Variants in DLG2 observed in about 807,000 individuals in gnomAD.
The protein encoded by DLG2 is discs large MAGUK scaffold protein 2.
In DLG2, 45 loss-of-function variants were observed where a neutral mutation model predicts 132.5. The observed-to-expected ratio is 0.34, with a 90% confidence interval of 0.27 to 0.44. The LOEUF (loss-of-function observed/expected upper bound fraction) is 0.44. DLG2 is among the 20% of genes least tolerant of loss of function. The probability of loss-of-function intolerance (pLI) is 1.00; values close to 1 mark genes in which losing one functional copy is unlikely to be tolerated. For missense variants in DLG2, 1,045 were observed against 1,196.9 expected (o/e 0.87, Z 1.87); for synonymous variants, 424 against 419.6 (o/e 1.01, Z -0.13).
At chr11:84,120,381 A>G (rs57510123) in intron 9 of DLG2, among the ~76,000 whole-genome samples, 90 of 152,330 alleles carry the variant, frequency 5.9e-4, no homozygotes, top group Middle Eastern at 3.4e-3. Flanking sequence ...CAGGGCAAAA[A>G]TTTTTAAAAG....
chr11:84,136,713 T>C (rs1437214411), intron 9 of DLG2, among the ~76,000 whole-genome samples: 1 of 152,118 alleles, frequency 6.6e-6, no homozygotes, highest in African/African-American at 2.4e-5. Flanking sequence ...AAGTTAATTG[T>C]GCTTATGGTC....
At chr11:85,529,041 C>A (rs1406471705) in intron 3 of DLG2, among the ~76,000 whole-genome samples, 2 of 152,198 alleles carry the variant, frequency 1.3e-5, no homozygotes, top group Non-Finnish European at 2.9e-5. Flanking sequence ...CATTATTAAT[C>A]TCACAAGCAT....
intron 3 of DLG2, among the ~76,000 whole-genome samples, chr11:85,506,961 C>T (rs941787898): frequency 6.6e-6 from 1 of 152,186 alleles, no homozygotes; most frequent in Admixed American, 6.5e-5. Flanking sequence ...GATCCCTTTA[C>T]CATTATGTAA....
chr11:84,031,269 G>A (rs1364242957), intron 11 of DLG2, among the ~76,000 whole-genome samples: 1 of 151,710 alleles, frequency 6.6e-6, no homozygotes, highest in Non-Finnish European at 1.5e-5. Context: ...GAAGCAAATA[G>A]GTTGAAAAAA....
chr11:84,106,368 C>T (rs2092915124), intron 9 of DLG2, among the ~76,000 whole-genome samples: 1 of 152,056 alleles, frequency 6.6e-6, no homozygotes, highest in Admixed American at 6.6e-5. Context: ...ATGAACAGCC[C>T]CAGGTCTATT....
chr11:83,711,510 G>A (rs1222482008), intron 18 of DLG2, among the ~76,000 whole-genome samples: 2 of 141,314 alleles, frequency 1.4e-5, no homozygotes, highest in African/African-American at 5.3e-5. Flanking sequence ...TGGGAACCCT[G>A]CAAGTTTGCT....
intron 6 of DLG2, among the ~76,000 whole-genome samples, chr11:84,551,518 G>T (rs1056911480): frequency 4.6e-5 from 7 of 152,164 alleles, no homozygotes; most frequent in Non-Finnish European, 1.0e-4. Context: ...TGCTTTACAA[G>T]CCTTAATTTA....
At chr11:84,944,906 TTA>T (rs2050005069) in intron 6 of DLG2, among the ~76,000 whole-genome samples, 1 of 152,184 alleles carries the variant, frequency 6.6e-6, no homozygotes, top group Non-Finnish European at 1.5e-5. Flanking sequence ...CCCGATCTTG[TTA>T]AGTTTATCTG....
At chr11:84,781,345 T>G (rs2071736156) in intron 6 of DLG2, among the ~76,000 whole-genome samples, 1 of 152,030 alleles carries the variant, frequency 6.6e-6, no homozygotes, top group Admixed American at 6.6e-5. Context: ...GTAGGTAAAC[T>G]GAGAAGTTAG....
chr11:85,291,269 A>C (rs967536152), intron 3 of DLG2, among the ~76,000 whole-genome samples: 4 of 152,182 alleles, frequency 2.6e-5, no homozygotes, highest in Admixed American at 1.3e-4. Flanking sequence ...GCAATTATCT[A>C]CTTAACCACA....
At chr11:84,793,453 T>C (rs944652793) in intron 6 of DLG2, among the ~76,000 whole-genome samples, 1 of 152,208 alleles carries the variant, frequency 6.6e-6, no homozygotes, top group African/African-American at 2.4e-5. Context: ...GATGTCTCTT[T>C]GTTGATTTTC....
In DLG2 at chr11:83,986,292, G is replaced by A. The variant is rs1477257544; in HGVS notation, c.920-5650C>T. ...TTCTCATTGTTCAATTCCCACCTAT[G>A]AGTGAGAATATGCGGCATTTGGTTT... is the stretch of plus-strand genomic sequence containing the variant. On this transcript the variant is annotated intron_variant, in intron 11 of 27. Coordinates refer to ENST00000376104, the MANE Select transcript of DLG2 (RefSeq NM_001142699.3). Among the ~76,000 whole-genome samples, 10 of 150,352 alleles carry A rather than the reference G, an allele frequency of 6.7e-5. No homozygotes were observed. In the East Asian group the frequency reaches 1.6e-3, roughly 24 times the overall value.
intron 6 of DLG2, among the ~76,000 whole-genome samples, chr11:84,865,205 G>A (rs950722292): frequency 3.3e-5 from 5 of 152,126 alleles, no homozygotes; most frequent in African/African-American, 7.2e-5. Context: ...TGCTGTATCC[G>A]TGGAACACAC....
intron 16 of DLG2, among the ~76,000 whole-genome samples, chr11:83,858,213 G>A (rs2037196): frequency 0.11 from 16,307 of 152,126 alleles, 1,004 homozygotes; most frequent in South Asian, 0.15. Flanking sequence ...GCTTGCTGCT[G>A]AAAATTACAT....
At chr11:85,130,807 C>G (rs1441666482) in intron 5 of DLG2, among the ~76,000 whole-genome samples, 2 of 152,182 alleles carry the variant, frequency 1.3e-5, no homozygotes, top group Non-Finnish European at 2.9e-5. Context: ...TGGGGAAAAA[C>G]AGTAAAGTAT....
At chr11:84,297,355 T>C (rs2098105015) in intron 7 of DLG2, among the ~76,000 whole-genome samples, 1 of 152,182 alleles carries the variant, frequency 6.6e-6, no homozygotes, top group Non-Finnish European at 1.5e-5. Flanking sequence ...TAAAATTTTC[T>C]GAAGATGTTT....
rs372011426 is a variant in DLG2, at chr11:84,999,909, C to T, written c.357+111752G>A. The stretch of plus-strand genomic sequence containing the variant: ...AAACAAAATGCCTTAAGAAACATGG[C>T]AGATCTGCATCCTATTCCAAAGAAA... On this transcript the variant is annotated intron_variant, in intron 6 of 27. Transcript: ENST00000376104. Among the ~76,000 whole-genome samples the T allele has an allele frequency of 5.9e-5, 9 of 152,210 alleles. No individual in the cohort carries two copies. In the East Asian group the frequency reaches 9.7e-4, roughly 16 times the overall value.
At chr11:84,185,425 T>A (rs926927989) in intron 8 of DLG2, among the ~76,000 whole-genome samples, 5 of 152,196 alleles carry the variant, frequency 3.3e-5, no homozygotes, top group African/African-American at 9.7e-5. Context: ...TGATTTTGTA[T>A]CCTGAGACTT....
intron 26 of DLG2, among the ~76,000 whole-genome samples, chr11:83,463,992 A>G (rs767716290): frequency 6.6e-6 from 1 of 152,248 alleles, no homozygotes; most frequent in Non-Finnish European, 1.5e-5. Flanking sequence ...AGCATGTGGC[A>G]TGGAGACTGA....
Sources: allele counts gnomAD v4.1 joint callset (sites outside exome capture counted in the v4.1 genomes callset), GRCh38; gene constraint gnomAD v4.1.1; transcripts MANE v1.5; gene names NCBI Gene and HGNC (gene_info 2026-07-23, HGNC 2026-07-21).